Variants in HSPB2 observed in about 807,000 individuals in gnomAD.
HSPB2 encodes the protein heat shock protein family B (small) member 2, also known as heat shock protein beta-2.
Under a neutral mutation model 14.1 loss-of-function variants are expected in HSPB2, and 14 were observed. The observed-to-expected ratio is 0.99, with a 90% CI of 0.66 to 1.55. The LOEUF (loss-of-function observed/expected upper bound fraction) is 1.55, where lower values mean the gene tolerates loss of function less well. Ranked by LOEUF, HSPB2 falls within the 40% of genes most tolerant of loss-of-function variation. HSPB2 has a pLI of 0.00. For synonymous variants in HSPB2, 110 were observed against 103.4 expected, an observed-to-expected ratio of 1.06 and a Z score of -0.39; for missense variants, 242 against 241.7, an observed-to-expected ratio of 1.00 and a Z score of -0.01.
At chr11:111,913,169 T>C (rs1316497236) in intron 1 of HSPB2, 4 of 601,788 alleles carry the variant, frequency 6.6e-6, no homozygotes, top group Non-Finnish European at 1.2e-5. Flanking sequence ...TGTGCCTCCT[T>C]GTCCCCCTTC....
intron 1 of HSPB2, 120 bp downstream of exon 1, chr11:111,913,043 A>AC (rs1376343824): frequency 3.0e-5 from 20 of 677,130 alleles, no homozygotes; most frequent in East Asian, 2.6e-4. Flanking sequence ...GGGACCAGCC[A>AC]CCCCCCACCC....
Position 111,913,645 on chromosome 11 carries a change from C to G in HSPB2, c.299C>G (p.Ser100Cys). 1 of 1,614,156 alleles carries G rather than the reference C, an allele frequency of 6.2e-7. No homozygotes were observed. The highest frequency in any genetic ancestry group is 8.5e-7 in the Non-Finnish European group (1 of 1,180,018). The change falls in exon 2 of 2, where the codon TCT (serine) becomes TGT (cysteine). Residue 100 changes from serine to cysteine, a missense_variant. By Grantham distance (112) the Ser-to-Cys change is moderately radical. Transcript: ENST00000304298. ...VRTVDNLLEVSARHPQRLDRH... is the reference protein window; with the variant it reads ...VRTVDNLLEVCARHPQRLDRH... The stretch of plus-strand genomic sequence containing the variant: ...ACTGTGGATAACCTGCTGGAGGTGT[C>G]TGCCCGGCACCCCCAGCGCCTGGAC...
chr11:111,913,618 G>A lies in HSPB2; in HGVS notation c.272G>A (p.Arg91Lys). 6.2e-7 allele frequency: 1 copy of A among 1,614,182 alleles called. No homozygotes were observed. Among genetic ancestry groups the A allele is most frequent in the Non-Finnish European group, 8.5e-7 (1 of 1,180,040 alleles). Reference sequence around the variant, plus strand: ...TTTACCCCAGACGAGGTGACTGTGAGGACTGTGGATAACCTGCTGGAGGTG... The same window carrying A: ...TTTACCCCAGACGAGGTGACTGTGAAGACTGTGGATAACCTGCTGGAGGTG... ...SHFTPDEVTV[R>K]TVDNLLEVSA... The change falls in exon 2 of 2, where the codon AGG (arginine) becomes AAG (lysine). Residue 91 changes from arginine to lysine, a missense_variant. By Grantham distance (26) the Arg-to-Lys change is conservative. Coordinates refer to ENST00000304298, the MANE Select transcript of HSPB2 (RefSeq NM_001541.4).
rs1965536242 is a variant in HSPB2, at chr11:111,913,481, T to C, written c.135T>C (p.His45=). The C allele has an allele frequency of 6.2e-7, 1 of 1,612,708 alleles. No homozygotes were observed. Among genetic ancestry groups the C allele is most frequent in the Non-Finnish European group, 8.5e-7 (1 of 1,179,982 alleles). The change falls in exon 2 of 2, where the codon CAT becomes CAC. Residue 45 remains histidine, a synonymous_variant. Coordinates refer to ENST00000304298, the MANE Select transcript of HSPB2 (RefSeq NM_001541.4). ...PEEILTPTLY[H]GYYVRPRAAP... ...AGATCCTGACCCCCACACTCTACCATGGCTACTATGTCCGGCCTCGGGCCG... is the reference window on the plus strand; with the variant it reads ...AGATCCTGACCCCCACACTCTACCACGGCTACTATGTCCGGCCTCGGGCCG...
In HSPB2 at chr11:111,912,915, T is replaced by C; in HGVS notation, c.86T>C (p.Phe29Ser). The change falls in exon 1 of 2, where the codon TTC becomes TCC. Residue 29 changes from phenylalanine (F) to serine (S), a missense_variant. Transcript: ENST00000304298. ...CCGAGCCGCCTGGGTGAGCAGCGCTTCGGAGAAGGTATGGCACAGACACCA... is the reference window on the plus strand; with the variant it reads ...CCGAGCCGCCTGGGTGAGCAGCGCTCCGGAGAAGGTATGGCACAGACACCA... The part of the protein sequence containing the change: ...ANPSRLGEQR[F>S]GEGLLPEEIL... 3 of 1,604,124 alleles carry C rather than the reference T, an allele frequency of 1.9e-6. No homozygotes were observed. The highest frequency in any genetic ancestry group is 2.5e-6 in the Non-Finnish European group (3 of 1,176,796).
At position 111,913,484 on chromosome 11, in the gene HSPB2, C is replaced by T. The variant is rs1965536353; in HGVS notation, c.138C>T (p.Gly46=). 2 of 1,612,866 alleles carry T rather than the reference C, an allele frequency of 1.2e-6. No homozygotes were observed. Among genetic ancestry groups the T allele is most frequent in the South Asian group, 1.1e-5 (1 of 91,084 alleles). ...EEILTPTLYH[G]YYVRPRAAPA... ...TCCTGACCCCCACACTCTACCATGG[C>T]TACTATGTCCGGCCTCGGGCCGCCC... Residue 46 remains glycine, a synonymous_variant, in exon 2 of 2, where the codon GGC becomes GGT. Transcript: ENST00000304298.
Position 111,913,608 on chromosome 11 carries a change from G to A in HSPB2, c.262G>A (p.Val88Met), listed in dbSNP as rs1965542823. 1 of 1,614,074 alleles carries A rather than the reference G, an allele frequency of 6.2e-7. No homozygotes were observed. The highest frequency in any genetic ancestry group is 1.3e-5 in the African/African-American group (1 of 74,932). ...TGTGAGCCACTTTACCCCAGACGAG[G>A]TGACTGTGAGGACTGTGGATAACCT... is the stretch of plus-strand genomic sequence containing the variant. Reference protein sequence around the residue: ...LDVSHFTPDEVTVRTVDNLLE... With the variant: ...LDVSHFTPDEMTVRTVDNLLE... The change falls in exon 2 of 2, where the codon GTG becomes ATG. Residue 88 changes from valine to methionine, a missense_variant. Coordinates refer to ENST00000304298, the MANE Select transcript of HSPB2 (RefSeq NM_001541.4).
rs1215642803 is a variant in HSPB2 at position 111,913,541 on chromosome 11, C to T, written c.195C>T (p.Ser65=). 44 of 1,614,044 alleles carry T rather than the reference C, an allele frequency of 2.7e-5. No homozygotes were observed. The highest frequency in any genetic ancestry group is 3.3e-5 in the Admixed American group (2 of 60,006). The change falls in exon 2 of 2, where the codon TCC becomes TCT. Residue 65 remains serine, a synonymous_variant. Coordinates refer to ENST00000304298, the MANE Select transcript of HSPB2 (RefSeq NM_001541.4). ...PAGEGSRAGA[S]ELRLSEGKFQ... ...GGGAGGGCAGCAGGGCAGGGGCCTCCGAGCTTAGGCTCAGTGAGGGCAAGT... is the reference window on the plus strand; with the variant it reads ...GGGAGGGCAGCAGGGCAGGGGCCTCTGAGCTTAGGCTCAGTGAGGGCAAGT...
Position 111,914,064 on chromosome 11 carries a change from G to A in HSPB2, c.*169G>A, listed in dbSNP as rs587673115. 1.4e-3 allele frequency: 961 copies of A among 671,718 alleles called. 3 individuals carry two copies. Among genetic ancestry groups the A allele is most frequent in the Non-Finnish European group, 1.9e-3 (751 of 404,464 alleles). The allele number at this position is 671,718 out of a possible 1,614,324, so 41.6% of individuals were successfully genotyped here. On this transcript the variant is annotated 3_prime_UTR_variant, in exon 2 of 2. Transcript: ENST00000304298. ...TGTCATAGCCTTGGTTTAGTTTTGG[G>A]TGGAGCTGAATAAACCCAAATCTCA...
Position 111,914,028 on chromosome 11 carries a change from C to A in HSPB2, c.*133C>A. ...CATGGTCCACAATGTATGGTTTGGTCCCATGGGACATGTCATAGCCTTGGT... is the reference window on the plus strand; with the variant it reads ...CATGGTCCACAATGTATGGTTTGGTACCATGGGACATGTCATAGCCTTGGT... On this transcript the variant is annotated 3_prime_UTR_variant, in exon 2 of 2. Coordinates refer to ENST00000304298, the MANE Select transcript of HSPB2 (RefSeq NM_001541.4). The A allele has an allele frequency of 1.2e-6, 1 of 804,802 alleles. No individual in the cohort carries two copies. Among genetic ancestry groups the A allele is most frequent in the Non-Finnish European group, 1.9e-6 (1 of 521,096 alleles). 49.9% of individuals were successfully genotyped at this position (804,802 alleles called of 1,614,324 possible).
Position 111,912,837 on chromosome 11 carries a change from G to T in HSPB2, c.8G>T (p.Gly3Val). Residue 3 changes from glycine (G) to valine (V), a missense_variant, in exon 1 of 2, where the codon GGC becomes GTC. Gly to Val is a moderately radical substitution (Grantham distance 109). Transcript: ENST00000304298. MSGRSVPHAHPAT... is the reference protein window; with the variant it reads MSVRSVPHAHPAT... Reference sequence around the variant, plus strand: ...TCTGCTGCATCTGCAGCCATGTCGGGCCGCTCAGTGCCACATGCCCACCCG... The same window carrying T: ...TCTGCTGCATCTGCAGCCATGTCGGTCCGCTCAGTGCCACATGCCCACCCG... 6.2e-7 allele frequency: 1 copy of T among 1,602,648 alleles called. No individual in the cohort carries two copies. The highest frequency in any genetic ancestry group is 8.5e-7 in the Non-Finnish European group (1 of 1,176,284).
At position 111,913,509 on chromosome 11, in the gene HSPB2, C is replaced by G. The variant is rs1592512727; in HGVS notation, c.163C>G (p.Pro55Ala). 6.2e-7 allele frequency: 1 copy of G among 1,614,018 alleles called. No homozygotes were observed. Among genetic ancestry groups the G allele is most frequent in the Non-Finnish European group, 8.5e-7 (1 of 1,180,008 alleles). ...CTACTATGTCCGGCCTCGGGCCGCC[C>G]CAGCTGGGGAGGGCAGCAGGGCAGG... ...HGYYVRPRAA[P>A]AGEGSRAGAS... The change falls in exon 2 of 2, where the codon CCA becomes GCA. Residue 55 changes from proline (P) to alanine (A), a missense_variant. Transcript: ENST00000304298.
At position 111,913,768 on chromosome 11, in the gene HSPB2, T is replaced by A; in HGVS notation, c.422T>A (p.Ile141Asn). The part of the protein sequence containing the change: ...RVRAALSHDG[I>N]LNLEAPRGGR... Reference sequence around the variant, plus strand: ...CGAGCTGCTCTCTCCCATGATGGCATCTTAAACCTGGAAGCACCTCGGGGT... The same window carrying A: ...CGAGCTGCTCTCTCCCATGATGGCAACTTAAACCTGGAAGCACCTCGGGGT... The change falls in exon 2 of 2, where the codon ATC becomes AAC. Residue 141 changes from isoleucine to asparagine, a missense_variant. By Grantham distance (149) the Ile-to-Asn change is moderately radical. Transcript: ENST00000304298. 4 of 1,614,154 alleles carry A rather than the reference T, an allele frequency of 2.5e-6. No homozygotes were observed. The highest frequency in any genetic ancestry group is 3.4e-6 in the Non-Finnish European group (4 of 1,180,024).
At chr11:111,913,340 C>T in intron 1 of HSPB2, 101 bp from the exon 2 acceptor site, 1 of 913,994 alleles carries the variant, frequency 1.1e-6, no homozygotes, top group South Asian at 1.5e-5. Context: ...CCTGACTCCC[C>T]TCTTGCTCTT....
chr11:111,912,807 G>A lies in HSPB2; in HGVS notation c.-23G>A. 6.3e-7 allele frequency: 1 copy of A among 1,574,932 alleles called. No individual in the cohort carries two copies. The highest frequency in any genetic ancestry group is 8.6e-7 in the Non-Finnish European group (1 of 1,159,030). ...CCTGTTGGGGCTGCACCTCGGACCA[G>A]GGCTTCTGCTGCATCTGCAGCCATG... On this transcript the variant is annotated 5_prime_UTR_variant, in exon 1 of 2. Coordinates refer to ENST00000304298, the MANE Select transcript of HSPB2 (RefSeq NM_001541.4).
Position 111,913,911 on chromosome 11 carries a change from C to A in HSPB2, c.*16C>A. On this transcript the variant is annotated 3_prime_UTR_variant, in exon 2 of 2. Coordinates refer to ENST00000304298, the MANE Select transcript of HSPB2 (RefSeq NM_001541.4). ...TGAGCCCTGATTGCCACAGACCCAG[C>A]ACCCAGCAAATCCCTCTCTACCTCC... 2 of 1,583,648 alleles carry A rather than the reference C, an allele frequency of 1.3e-6. No individual in the cohort carries two copies. Among genetic ancestry groups the A allele is most frequent in the Non-Finnish European group, 1.7e-6 (2 of 1,164,920 alleles).
chr11:111,912,983 C>T (rs1482400859), intron 1 of HSPB2, 60 bp downstream of exon 1: 5 of 1,139,336 alleles, frequency 4.4e-6, no homozygotes, highest in Non-Finnish European at 5.9e-6. Flanking sequence ...TCTGGGCTGA[C>T]CTCCCAACGT....
At position 111,914,089 on chromosome 11, in the gene HSPB2, A is replaced by G; in HGVS notation, c.*194A>G. Reference sequence around the variant, plus strand: ...GTGGAGCTGAATAAACCCAAATCTCAGGGCCTTGTTTGTACTGCTCCCTAT... The same window carrying G: ...GTGGAGCTGAATAAACCCAAATCTCGGGGCCTTGTTTGTACTGCTCCCTAT... On this transcript the variant is annotated 3_prime_UTR_variant, in exon 2 of 2. Transcript: ENST00000304298. 1 of 592,726 alleles carries G rather than the reference A, an allele frequency of 1.7e-6. No homozygotes were observed. The highest frequency in any genetic ancestry group is 3.0e-6 in the Non-Finnish European group (1 of 338,232). The allele number at this position is 592,726 out of a possible 1,614,324, so 36.7% of individuals were successfully genotyped here. A position where few individuals can be genotyped will look rare whatever the true frequency, so the allele number is the denominator to read the frequency against.
chr11:111,913,307 C>T, intron 1 of HSPB2, 134 bp from the exon 2 acceptor site: 3 of 705,816 alleles, frequency 4.3e-6, no homozygotes, highest in Admixed American at 2.3e-5. Flanking sequence ...TACAGTGTGG[C>T]CTCCCTCCCG....
Sources: allele counts gnomAD v4.1 joint callset, GRCh38; gene constraint gnomAD v4.1.1; transcripts MANE v1.5; gene names NCBI Gene and HGNC (gene_info 2026-07-23, HGNC 2026-07-21).